Variants in LHFPL3 observed in about 807,000 individuals in gnomAD.
The protein encoded by LHFPL3 is LHFPL tetraspan subfamily member 3 protein.
A neutral mutation model predicts 19.3 loss-of-function variants in LHFPL3; 5 were observed. The ratio of observed to expected loss-of-function variants is 0.26; its 90% CI spans 0.14 to 0.54. The LOEUF is 0.54. Among genes scored for constraint, LHFPL3 ranks in the 20% least tolerant of loss-of-function variants. The probability of loss-of-function intolerance (pLI) is 0.94; values close to 1 mark genes in which losing one functional copy is unlikely to be tolerated. For missense variants in LHFPL3, 249 were observed against 307.4 expected, an observed-to-expected ratio of 0.81 and a Z score of 1.42; for synonymous variants, 133 against 126.2, an observed-to-expected ratio of 1.05 and a Z score of -0.36.
intron 2 of LHFPL3, among the ~76,000 whole-genome samples, chr7:104,762,339 A>G (rs1006734893): frequency 6.6e-6 from 1 of 152,226 alleles, no homozygotes; most frequent in Non-Finnish European, 1.5e-5. Flanking sequence ...AAGCAATAGC[A>G]ATCTAGAATG....
In LHFPL3 at chr7:104,906,471, T is replaced by G; in HGVS notation, c.*256T>G. On this transcript the variant is annotated 3_prime_UTR_variant, in exon 3 of 3. Coordinates refer to ENST00000424859, the MANE Select transcript of LHFPL3 (RefSeq NM_199000.3). The stretch of plus-strand genomic sequence containing the variant: ...CTCATTGGAAACTCATTGGATGAGA[T>G]CAGAAAACGTTCATGAAAAATCATA... 2.1e-6 allele frequency: 1 copy of G among 482,930 alleles called. No individual in the cohort carries two copies. The highest frequency in any genetic ancestry group is 3.6e-6 in the Non-Finnish European group (1 of 275,286). The allele number at this position is 482,930 out of a possible 1,614,324, so 29.9% of individuals were successfully genotyped here.
intron 2 of LHFPL3, among the ~76,000 whole-genome samples, chr7:104,831,211 C>G (rs1261369166): frequency 1.2e-5 from 1 of 82,036 alleles, no homozygotes; most frequent in Non-Finnish European, 2.3e-5. Flanking sequence ...TATCGTCAAG[C>G]TGCACTTTTA....
intron 1 of LHFPL3, among the ~76,000 whole-genome samples, chr7:104,513,932 T>G (rs1237703942): frequency 6.6e-6 from 1 of 152,052 alleles, no homozygotes; most frequent in Non-Finnish European, 1.5e-5. Context: ...AAATAGAAAC[T>G]GACAGGACAG....
intron 1 of LHFPL3, among the ~76,000 whole-genome samples, chr7:104,546,498 G>C (rs187366124): frequency 6.6e-6 from 1 of 152,264 alleles, no homozygotes; most frequent in Non-Finnish European, 1.5e-5. Flanking sequence ...ACACTCAAAA[G>C]AAAGTCAGAT....
chr7:104,860,178 C>CCACACACACA (rs10534227), intron 2 of LHFPL3, among the ~76,000 whole-genome samples: 1 of 128,874 alleles, frequency 7.8e-6, no homozygotes, highest in East Asian at 2.3e-4. Flanking sequence ...ATACACCCAC[C>CCACACACACA]CACACACACA....
intron 1 of LHFPL3, among the ~76,000 whole-genome samples, chr7:104,424,622 A>C (rs1346764600): frequency 2.6e-5 from 4 of 152,194 alleles, no homozygotes. Context: ...GTTGGGGGAA[A>C]GGCTACTCCA....
Position 104,373,394 on chromosome 7 carries a change from C to T in LHFPL3, c.445+44170C>T, listed in dbSNP as rs553857646. ...AGGAAACATTTGGTTCAAAGTATTACGTATGTTTTAAATATTTTTAAAGTT... is the reference window on the plus strand; with the variant it reads ...AGGAAACATTTGGTTCAAAGTATTATGTATGTTTTAAATATTTTTAAAGTT... On this transcript the variant is annotated intron_variant, in intron 1 of 2. Coordinates refer to ENST00000424859, the MANE Select transcript of LHFPL3 (RefSeq NM_199000.3). 1.1e-3 allele frequency among the ~76,000 whole-genome samples: 169 copies of T among 152,202 alleles called. 2 individuals carry two copies. The South Asian group carries it at 0.032, about 29-fold the overall frequency.
intron 2 of LHFPL3, among the ~76,000 whole-genome samples, chr7:104,887,913 G>A (rs1792177662): frequency 6.6e-6 from 1 of 152,180 alleles, no homozygotes; most frequent in African/African-American, 2.4e-5. Flanking sequence ...AGAGTTGTTT[G>A]GGGGTTTTAT....
At chr7:104,532,012 A>G (rs1355142892) in intron 1 of LHFPL3, among the ~76,000 whole-genome samples, 3 of 152,182 alleles carry the variant, frequency 2.0e-5, no homozygotes, top group Non-Finnish European at 2.9e-5. Context: ...AGGTTCTGCT[A>G]CTTATTGTTG....
rs147483316 is a variant in LHFPL3, at chr7:104,595,662, C to G, written c.446-141013C>G. Among the ~76,000 whole-genome samples the G allele has an allele frequency of 3.3e-3, 496 of 152,348 alleles. 3 individuals carry two copies. The highest frequency in any genetic ancestry group is 0.011 in the African/African-American group (478 of 41,574). ...TGCCTTTTGTTCCGCTATGCCCTAC[C>G]CACAGAGGTGGAGTCTAGAGGCAGT... On this transcript the variant is annotated intron_variant, in intron 1 of 2. Coordinates refer to ENST00000424859, the MANE Select transcript of LHFPL3 (RefSeq NM_199000.3).
At chr7:104,877,272 A>G (rs561763994) in intron 2 of LHFPL3, among the ~76,000 whole-genome samples, 1 of 132,326 alleles carries the variant, frequency 7.6e-6, no homozygotes, top group South Asian at 2.6e-4. Flanking sequence ...AACTTAAAGT[A>G]TAATAAAAAA....
At chr7:104,548,928 G>A (rs1484269596) in intron 1 of LHFPL3, among the ~76,000 whole-genome samples, 1 of 152,126 alleles carries the variant, frequency 6.6e-6, no homozygotes, top group Non-Finnish European at 1.5e-5. Context: ...TTTTAAATGT[G>A]TTTTGATTGA....
At chr7:104,551,814 G>A (rs1053132321) in intron 1 of LHFPL3, among the ~76,000 whole-genome samples, 1 of 152,150 alleles carries the variant, frequency 6.6e-6, no homozygotes, top group East Asian at 1.9e-4. Context: ...GGGAGAAGCA[G>A]GAGAACGGAG....
At chr7:104,755,325 A>G (rs1794261927) in intron 2 of LHFPL3, among the ~76,000 whole-genome samples, 1 of 152,156 alleles carries the variant, frequency 6.6e-6, no homozygotes, top group Non-Finnish European at 1.5e-5. Flanking sequence ...CACAGGGGAA[A>G]AGCACCACAA....
intron 2 of LHFPL3, among the ~76,000 whole-genome samples, chr7:104,832,301 T>C (rs980585254): frequency 1.3e-5 from 2 of 152,002 alleles, no homozygotes; most frequent in African/African-American, 4.8e-5. Context: ...CATTACATCC[T>C]CTATTAAACA....
chr7:104,486,055 C>A (rs1793229526), intron 1 of LHFPL3, among the ~76,000 whole-genome samples: 1 of 152,166 alleles, frequency 6.6e-6, no homozygotes, highest in African/African-American at 2.4e-5. Context: ...CTGATGGAAT[C>A]ATTATGGCAC....
intron 1 of LHFPL3, among the ~76,000 whole-genome samples, chr7:104,528,424 T>C (rs770381491): frequency 1.6e-4 from 24 of 152,298 alleles, no homozygotes; most frequent in Non-Finnish European, 3.4e-4. Flanking sequence ...GAGCTTTCCT[T>C]CTCTTTCTCA....
chr7:104,418,211 G>A (rs540420602), intron 1 of LHFPL3, among the ~76,000 whole-genome samples: 98 of 152,074 alleles, frequency 6.4e-4, no homozygotes, highest in African/African-American at 2.4e-3. Context: ...CTTAAGGAAA[G>A]TAAAATCAAA....
chr7:104,706,575 C>CA (rs1793194269), intron 1 of LHFPL3, among the ~76,000 whole-genome samples: 1 of 152,200 alleles, frequency 6.6e-6, no homozygotes, highest in South Asian at 2.1e-4. Flanking sequence ...GATTGCATCT[C>CA]AAAATCACAC....
Sources: allele counts gnomAD v4.1 joint callset (sites outside exome capture counted in the v4.1 genomes callset), GRCh38; gene constraint gnomAD v4.1.1; transcripts MANE v1.5; gene names NCBI Gene and HGNC (gene_info 2026-07-23, HGNC 2026-07-21).